The following SNAP47 variants were observed in gnomAD, a reference collection of about 807,000 sequenced individuals.
The protein encoded by SNAP47 is synaptosome associated protein 47.
Under a neutral mutation model 31.4 loss-of-function variants are expected in SNAP47, and 20 were observed. That is an observed-to-expected ratio of 0.64 (90% CI 0.45 to 0.93). The LOEUF is 0.93. SNAP47 is among the 40% of genes least tolerant of loss of function. The pLI, the probability that SNAP47 is intolerant of heterozygous loss-of-function variation, is 0.00. For missense variants in SNAP47, 492 were observed against 528.5 expected, an observed-to-expected ratio of 0.93 and a Z score of 0.68; for synonymous variants, 194 against 213.4, an observed-to-expected ratio of 0.91 and a Z score of 0.79.
chr1:227,733,784 TC>T (rs1477550613), upstream of SNAP47: 1 of 1,580,274 alleles, frequency 6.3e-7, no homozygotes, highest in Non-Finnish European at 8.6e-7. Context: ...GGCCCCTTGG[TC>T]TCAAGGGATG....
chr1:227,754,903 G>A (rs959631558), intron 2 of SNAP47, among the ~76,000 whole-genome samples: 1 of 152,162 alleles, frequency 6.6e-6, no homozygotes. Flanking sequence ...TCTTTAGAAC[G>A]CTAAACTAGG....
chr1:227,734,111 G>A (rs965470168), upstream of SNAP47: 46 of 1,507,018 alleles, frequency 3.1e-5, no homozygotes, highest in Non-Finnish European at 4.0e-5. Context: ...GGGCAACTGA[G>A]ACCAATCGGC....
At chr1:227,735,305 C>T (rs1013732250), upstream of SNAP47, 1 of 1,603,976 alleles carries the variant, frequency 6.2e-7, no homozygotes, top group Non-Finnish European at 8.5e-7. Context: ...GACCCTCCTC[C>T]TCACTTCCGC....
Position 227,775,806 on chromosome 1 carries a change from G to A in SNAP47, c.1114-4721G>A, listed in dbSNP as rs566590122. 1.5e-5 allele frequency: 20 copies of A among 1,304,098 alleles called. No individual in the cohort carries two copies. In the East Asian group the frequency reaches 3.9e-4, roughly 25 times the overall value. 80.8% of individuals were successfully genotyped at this position (1,304,098 alleles called of 1,614,324 possible). ...CTCTGCAGGGCTTCCGGCCTATGTC[G>A]CTGTCAACCCAGACAGTGTTGGTGA... On this transcript the variant is annotated intron_variant, in intron 4 of 4. Coordinates refer to ENST00000617596, the MANE Select transcript of SNAP47 (RefSeq NM_053052.4).
chr1:227,734,986 C>A (rs1009762689), upstream of SNAP47: 1 of 1,511,298 alleles, frequency 6.6e-7, no homozygotes, highest in Non-Finnish European at 8.8e-7. Flanking sequence ...TTCCTCCCCG[C>A]CCGGGGTCTG....
chr1:227,748,322 C>A, intron 2 of SNAP47, 89 bp downstream of exon 2: 1 of 1,366,072 alleles, frequency 7.3e-7, no homozygotes, highest in Non-Finnish European at 9.8e-7. Context: ...GGCCACTGCA[C>A]CATATTTGCA....
At chr1:227,778,286 C>T (rs959896407) in intron 4 of SNAP47, among the ~76,000 whole-genome samples, 22 of 152,214 alleles carry the variant, frequency 1.4e-4, no homozygotes, top group Admixed American at 3.9e-4. Context: ...TAGCACTGCA[C>T]GCCATGGTCA....
At chr1:227,728,351 G>T (rs377547220), upstream of SNAP47, among the ~76,000 whole-genome samples, 31 of 152,280 alleles carry the variant, frequency 2.0e-4, no homozygotes, top group East Asian at 5.0e-3. Flanking sequence ...ACCGGAGCGG[G>T]GGGGGCGGGC....
rs1393564131 is a variant in SNAP47 at position 227,741,479 on chromosome 1, C to T, written c.-46+5980C>T. ...GTAAGTGAGGTCCTGTGGGGTGGCA[C>T]ACCCCATGTTGATGTCTTGTGTGTG... On this transcript the variant is annotated intron_variant, in intron 1 of 4. Coordinates refer to ENST00000617596, the MANE Select transcript of SNAP47 (RefSeq NM_053052.4). This position sits in a 1 kb window ranked among gnomAD's most constrained non-coding sequence, Gnocchi z 4.2. Among the ~76,000 whole-genome samples, 1 of 152,164 alleles carries T rather than the reference C, an allele frequency of 6.6e-6. No homozygotes were observed.
chr1:227,752,881 G>A (rs1447002733), intron 2 of SNAP47, among the ~76,000 whole-genome samples: 1 of 152,194 alleles, frequency 6.6e-6, no homozygotes, highest in African/African-American at 2.4e-5. Flanking sequence ...AATGCCTTGT[G>A]GCCTTCTGCA....
rs533070850 is a variant in SNAP47, at chr1:227,753,076, T to C, written c.497+4843T>C. Among the ~76,000 whole-genome samples the C allele has an allele frequency of 1.1e-4, 17 of 152,316 alleles. 1 individual carries two copies. The South Asian group carries it at 3.5e-3, about 32-fold the overall frequency. On this transcript the variant is annotated intron_variant, in intron 2 of 4. Transcript: ENST00000617596. Reference sequence around the variant, plus strand: ...TAATCTGCAGACTCAAGCAAAGCAATAATTGTGTTCAAGTAAACAAGCTTT... The same window carrying C: ...TAATCTGCAGACTCAAGCAAAGCAACAATTGTGTTCAAGTAAACAAGCTTT...
At chr1:227,756,871 G>T (rs1014011299) in intron 2 of SNAP47, among the ~76,000 whole-genome samples, 2 of 152,360 alleles carry the variant, frequency 1.3e-5, no homozygotes, top group South Asian at 4.1e-4. Context: ...GCTCAGGGAC[G>T]TTTCTCCCTT....
At chr1:227,733,137 G>C, upstream of SNAP47, 5 of 1,250,730 alleles carry the variant, frequency 4.0e-6, no homozygotes, top group African/African-American at 4.4e-5. Context: ...CTGCAGCCAA[G>C]AGGGCCCTCC....
intron 2 of SNAP47, among the ~76,000 whole-genome samples, chr1:227,749,746 G>A (rs1662220677): frequency 7.5e-6 from 1 of 133,922 alleles, no homozygotes; most frequent in Non-Finnish European, 1.7e-5. Context: ...GCCTGTGTGT[G>A]TGTCTGTGTG....
intron 4 of SNAP47, among the ~76,000 whole-genome samples, chr1:227,773,952 C>T (rs1663996529): frequency 6.6e-6 from 1 of 152,244 alleles, no homozygotes; most frequent in South Asian, 2.1e-4. Flanking sequence ...AAATAATTTA[C>T]TAATTTCCCT....
intron 4 of SNAP47, chr1:227,776,153 G>A (rs1159193745): frequency 8.6e-6 from 10 of 1,164,784 alleles, no homozygotes; most frequent in African/African-American, 1.6e-5. Flanking sequence ...GGTCCCACAA[G>A]CCGCTCAGGA....
upstream of SNAP47, among the ~76,000 whole-genome samples, chr1:227,728,355 G>A (rs1195686725): frequency 6.6e-6 from 1 of 152,104 alleles, no homozygotes; most frequent in Non-Finnish European, 1.5e-5. Context: ...GAGCGGGGGG[G>A]GCGGGCCCCG....
chr1:227,777,846 T>G (rs1479469438), intron 4 of SNAP47, among the ~76,000 whole-genome samples: 1 of 152,194 alleles, frequency 6.6e-6, no homozygotes, highest in Non-Finnish European at 1.5e-5. Context: ...ATAGGACTTC[T>G]GGCGGTGACC....
intron 4 of SNAP47, among the ~76,000 whole-genome samples, chr1:227,773,328 G>A (rs1048123894): frequency 6.6e-6 from 1 of 151,994 alleles, no homozygotes; most frequent in Non-Finnish European, 1.5e-5. Context: ...ACAGCATATA[G>A]GATAAGAATA....
Sources: gnomAD v4.1 joint callset for allele counts (sites outside exome capture counted in the v4.1 genomes callset) on GRCh38, gnomAD v4.1.1 for gene constraint, Gnocchi (gnomAD v3.1) non-coding constraint, MANE v1.5 for transcripts, NCBI Gene and HGNC (gene_info 2026-07-23, HGNC 2026-07-21) for gene names.